Variants in IL1R1 observed in about 807,000 individuals in gnomAD.
IL1R1 encodes interleukin 1 receptor type 1.
IL1R1 carries 22 observed loss-of-function variants against 50.2 expected under a neutral mutation model. The ratio of observed to expected loss-of-function variants is 0.44; its 90% CI spans 0.31 to 0.63. IL1R1 has a LOEUF of 0.63. Ranked by LOEUF, IL1R1 falls within the 20% of genes least tolerant of loss-of-function variation. The pLI, the probability that IL1R1 is intolerant of heterozygous loss-of-function variation, is 0.07. For synonymous variants in IL1R1, 251 were observed against 236.7 expected, an observed-to-expected ratio of 1.06 and a Z score of -0.55; for missense variants, 509 against 676.2, an observed-to-expected ratio of 0.75 and a Z score of 2.74.
At chr2:102,098,480 G>A (rs912514747) in intron 1 of IL1R1, among the ~76,000 whole-genome samples, 3 of 152,128 alleles carry the variant, frequency 2.0e-5, no homozygotes, top group Admixed American at 6.5e-5. Flanking sequence ...AATATGACCT[G>A]TCCACATGGT....
At chr2:102,153,173 G>C (rs149105374) in intron 1 of IL1R1, among the ~76,000 whole-genome samples, 2 of 152,140 alleles carry the variant, frequency 1.3e-5, no homozygotes, top group African/African-American at 4.8e-5. Context: ...GAGGATACCT[G>C]CTTCTTAAAC....
chr2:102,072,182 C>G (rs141601545), intron 1 of IL1R1, among the ~76,000 whole-genome samples: 2,772 of 151,904 alleles, frequency 0.018, 44 homozygotes, highest in Non-Finnish European at 0.03. Context: ...ACTGCTTGAA[C>G]CCGGGAGGTG....
intron 1 of IL1R1, among the ~76,000 whole-genome samples, chr2:102,129,096 A>G (rs1021896702): frequency 2.0e-5 from 3 of 152,144 alleles, no homozygotes; most frequent in African/African-American, 7.2e-5. Context: ...CTGTAGTCCC[A>G]GCTACTTGGG....
intron 1 of IL1R1, among the ~76,000 whole-genome samples, chr2:102,123,137 A>G (rs1296439248): frequency 6.6e-6 from 1 of 152,240 alleles, no homozygotes; most frequent in East Asian, 1.9e-4. Context: ...TCCTTAAGGT[A>G]CTTCTGCATT....
At chr2:102,081,669 G>C (rs1259495756) in intron 1 of IL1R1, among the ~76,000 whole-genome samples, 3 of 152,214 alleles carry the variant, frequency 2.0e-5, no homozygotes, top group Non-Finnish European at 2.9e-5. Flanking sequence ...AGAAGGCGAA[G>C]GCGAATTAGG....
At chr2:102,171,991 A>G in intron 8 of IL1R1, 73 bp downstream of exon 8, 1 of 646,586 alleles carries the variant, frequency 1.5e-6, no homozygotes. Flanking sequence ...TTGTCGGTTC[A>G]GTTTAAAAGC....
At chr2:102,106,769 G>A (rs573562285) in intron 1 of IL1R1, among the ~76,000 whole-genome samples, 1 of 152,302 alleles carries the variant, frequency 6.6e-6, no homozygotes, top group South Asian at 2.1e-4. Context: ...TTACCTCACA[G>A]CGATGGAGCA....
intron 1 of IL1R1, among the ~76,000 whole-genome samples, chr2:102,111,360 G>T (rs1680751147): frequency 6.6e-6 from 1 of 152,234 alleles, no homozygotes; most frequent in Non-Finnish European, 1.5e-5. Flanking sequence ...CTGGCGACCA[G>T]AACACTGTAT....
intron 1 of IL1R1, among the ~76,000 whole-genome samples, chr2:102,128,751 T>C (rs751554545): frequency 6.6e-6 from 1 of 152,184 alleles, no homozygotes; most frequent in African/African-American, 2.4e-5. Context: ...TTACACACAA[T>C]GGCAGTGGTC....
rs774549557 is a variant in IL1R1, at chr2:102,176,817, A to C, written c.*58A>C. The C allele has an allele frequency of 1.9e-5, 28 of 1,498,296 alleles. No homozygotes were observed. Among genetic ancestry groups the C allele is most frequent in the Non-Finnish European group, 2.6e-5 (28 of 1,089,130 alleles). 92.8% of individuals were successfully genotyped at this position (1,498,296 alleles called of 1,614,324 possible). On this transcript the variant is annotated 3_prime_UTR_variant, in exon 12 of 12. Coordinates refer to ENST00000410023, the MANE Select transcript of IL1R1 (RefSeq NM_000877.4). ...CTCCTGTCTTATGGCGTTGCAGGCC[A>C]GGTTATGCCTCATGCTGACTTGCAG... is the stretch of plus-strand genomic sequence containing the variant.
At chr2:102,142,576 C>CA (rs1258993942), upstream of IL1R1, 3 of 151,982 alleles carry the variant, frequency 2.0e-5, no homozygotes, top group African/African-American at 7.2e-5. Flanking sequence ...GCGGGCTACC[C>CA]GGGGCAGGGC....
intron 1 of IL1R1, among the ~76,000 whole-genome samples, chr2:102,136,251 C>T (rs533423805): frequency 2.9e-4 from 44 of 152,266 alleles, no homozygotes; most frequent in African/African-American, 9.1e-4. Flanking sequence ...GTAATCTACC[C>T]GTGATAGGGC....
chr2:102,148,712 C>T (rs1683369473), intron 1 of IL1R1, among the ~76,000 whole-genome samples: 1 of 152,216 alleles, frequency 6.6e-6, no homozygotes, highest in Non-Finnish European at 1.5e-5. Context: ...TAAGCCAGGG[C>T]TTGTGTGAGT....
At chr2:102,075,402 C>T (rs1353866129) in intron 1 of IL1R1, among the ~76,000 whole-genome samples, 8 of 151,930 alleles carry the variant, frequency 5.3e-5, no homozygotes, top group East Asian at 1.9e-4. Flanking sequence ...TGTGAGCTGG[C>T]GGGGAGCTAT....
At chr2:102,079,769 G>T (rs994165618) in intron 1 of IL1R1, among the ~76,000 whole-genome samples, 7 of 152,028 alleles carry the variant, frequency 4.6e-5, no homozygotes, top group African/African-American at 1.4e-4. Context: ...GAAATGCAAA[G>T]GATGGAGAAT....
At chr2:102,121,961 T>C (rs922716869) in intron 1 of IL1R1, among the ~76,000 whole-genome samples, 10 of 152,124 alleles carry the variant, frequency 6.6e-5, no homozygotes, top group African/African-American at 2.2e-4. Flanking sequence ...CCTTTAAAAA[T>C]GTGAAGCTGC....
intron 1 of IL1R1, among the ~76,000 whole-genome samples, chr2:102,094,474 A>G (rs944038741): frequency 2.6e-5 from 4 of 152,222 alleles, no homozygotes; most frequent in Non-Finnish European, 5.9e-5. Flanking sequence ...CATGAGATAC[A>G]AGCTATTCTT....
chr2:102,172,779 C>T lies in IL1R1; in HGVS notation c.932C>T (p.Thr311Ile), dbSNP rs1194330719. ...AGTAGATTTTATAAACATCCATTTA[C>T]CTGTTTTGCCAAGAATACACATGGT... ...IESRFYKHPF[T>I]CFAKNTHGID... Residue 311 changes from threonine (T) to isoleucine (I), a missense_variant, in exon 9 of 12, where the codon ACC becomes ATC. Transcript: ENST00000410023. 2 of 1,611,400 alleles carry T rather than the reference C, an allele frequency of 1.2e-6. No homozygotes were observed. The highest frequency in any genetic ancestry group is 1.7e-6 in the Non-Finnish European group (2 of 1,177,686).
rs551573923 is a variant in IL1R1, at chr2:102,154,530, C to T, written c.-7+513C>T. On this transcript the variant is annotated intron_variant, in intron 2 of 11. Coordinates refer to ENST00000410023, the MANE Select transcript of IL1R1 (RefSeq NM_000877.4). ...CTTGCCCTACCTGCCCCGACCTCAG[C>T]GAGTCTGGCCCAGTCTGTCCCTGCT... Among the ~76,000 whole-genome samples the T allele has an allele frequency of 6.2e-4, 95 of 152,236 alleles. 1 individual carries two copies. In the South Asian group the frequency reaches 0.013, roughly 21 times the overall value.
Sources: gnomAD v4.1 joint callset for allele counts (sites outside exome capture counted in the v4.1 genomes callset) on GRCh38, gnomAD v4.1.1 for gene constraint, MANE v1.5 for transcripts, NCBI Gene and HGNC (gene_info 2026-07-23, HGNC 2026-07-21) for gene names.